The following DPRX variants were observed in gnomAD, a reference collection of about 807,000 sequenced individuals.
The protein encoded by DPRX is divergent-paired related homeobox, also known as divergent paired-related homeobox.
DPRX carries 11 observed loss-of-function variants against 8.4 expected under a neutral mutation model. That is an observed-to-expected ratio of 1.31 (90% CI 0.82 to 2.17). The LOEUF (loss-of-function observed/expected upper bound fraction) is 2.17. Ranked by LOEUF, DPRX falls within the 30% of genes most tolerant of loss-of-function variation. The probability of loss-of-function intolerance (pLI) is 0.00; values close to 1 mark genes in which losing one functional copy is unlikely to be tolerated. For missense variants in DPRX, 211 were observed against 236.7 expected (o/e 0.89, Z 0.71); for synonymous variants, 72 against 87.0 (o/e 0.83, Z 0.96).
rs756785861 is a variant in DPRX at position 53,634,634 on chromosome 19, C to A, written c.132C>A (p.Ser44Arg). ...ATGAGAACCCATACCCAAACCCCAG[C>A]CTTCAGAAAGAAATGGCCTCGAAAA... is the stretch of plus-strand genomic sequence containing the variant. Residue 44 changes from serine to arginine, a missense_variant, in exon 2 of 3, where the codon AGC becomes AGA. Physicochemically the swap from Ser to Arg is moderately radical, Grantham distance 110 (BLOSUM62 -1). Transcript: ENST00000376650. 15 of 1,614,058 alleles carry A rather than the reference C, an allele frequency of 9.3e-6. No individual in the cohort carries two copies. In the East Asian group the frequency reaches 3.3e-4, roughly 36 times the overall value.
At chr19:53,612,633 G>T in the DPRX span, among the ~76,000 whole-genome samples, 7 of 152,236 alleles carry the variant, frequency 4.6e-5, no homozygotes, top group South Asian at 1.5e-3. Flanking sequence ...CTTGAACCCG[G>T]GAGGCGGAGG....
exon 2 of DPRX, chr19:53,634,539 C>A (rs910864940): frequency 3.1e-6 from 5 of 1,612,682 alleles, no homozygotes; most frequent in Admixed American, 1.7e-5. Context: ...AGGCAAGGAC[C>A]AGATGCATTC....
At chr19:53,617,903 G>A in the DPRX span, among the ~76,000 whole-genome samples, 1 of 151,998 alleles carries the variant, frequency 6.6e-6, no homozygotes, top group Non-Finnish European at 1.5e-5. Context: ...ACTTTGGGAG[G>A]CCAAGGTGGG....
chr19:53,632,404 A>G (rs535568215), intron 1 of DPRX, among the ~76,000 whole-genome samples: 226 of 151,990 alleles, frequency 1.5e-3, no homozygotes, highest in African/African-American at 5.2e-3. Context: ...AGGTTCAAGC[A>G]ATTCTCCTGC....
At chr19:53,605,172 G>A in the DPRX span, among the ~76,000 whole-genome samples, 3 of 151,996 alleles carry the variant, frequency 2.0e-5, no homozygotes, top group African/African-American at 7.2e-5. Context: ...AGCCAGGTGT[G>A]GTGCCACTGT....
the DPRX span, chr19:53,606,623 A>G: frequency 3.9e-5 from 6 of 152,852 alleles, no homozygotes; most frequent in Non-Finnish European, 4.4e-5. This position sits in a 1 kb window ranked among gnomAD's most constrained non-coding sequence, Gnocchi z 4.8. Context: ...CACAGTGCCC[A>G]AGGGGATGGA....
At chr19:53,604,827 AG>A in the DPRX span, among the ~76,000 whole-genome samples, 1 of 148,922 alleles carries the variant, frequency 6.7e-6, no homozygotes, top group African/African-American at 2.5e-5. Context: ...TGGGCTACAG[AG>A]CGAGACTCTG....
At chr19:53,622,736 T>C in the DPRX span, among the ~76,000 whole-genome samples, 1 of 152,192 alleles carries the variant, frequency 6.6e-6, no homozygotes, top group Non-Finnish European at 1.5e-5. Context: ...ACTGTGCTTC[T>C]TGGTGAAAGT....
the DPRX span, chr19:53,602,311 T>TGTGC: frequency 8.0e-5 from 25 of 313,452 alleles, no homozygotes; most frequent in East Asian, 1.9e-4. Context: ...TGTGTGTGTG[T>TGTGC]GCCAGCCTCC....
the DPRX span, among the ~76,000 whole-genome samples, chr19:53,616,525 C>T: frequency 2.8e-4 from 43 of 152,132 alleles, no homozygotes; most frequent in Admixed American, 1.0e-3. Flanking sequence ...GAGGCTGAGG[C>T]GGGTGGATCA....
chr19:53,603,944 C>G, the DPRX span, among the ~76,000 whole-genome samples: 5 of 152,072 alleles, frequency 3.3e-5, no homozygotes, highest in South Asian at 8.3e-4. Flanking sequence ...CCAGGTTTCA[C>G]CATGTTGGCC....
At chr19:53,613,112 G>T in the DPRX span, among the ~76,000 whole-genome samples, 169 of 152,198 alleles carry the variant, frequency 1.1e-3, no homozygotes, top group African/African-American at 4.0e-3. Flanking sequence ...AGTTTCTATG[G>T]CTAGCCTTGG....
At chr19:53,633,660 C>G (rs2091101315) in intron 1 of DPRX, among the ~76,000 whole-genome samples, 1 of 152,102 alleles carries the variant, frequency 6.6e-6, no homozygotes, top group East Asian at 1.9e-4. Flanking sequence ...CAGGCGTGCA[C>G]CATCACGCCC....
At chr19:53,628,089 G>T (rs1254396516), upstream of DPRX, among the ~76,000 whole-genome samples, 2 of 152,018 alleles carry the variant, frequency 1.3e-5, no homozygotes, top group African/African-American at 4.8e-5. Context: ...TCAACATACA[G>T]TAGCTGGCCC....
the DPRX span, among the ~76,000 whole-genome samples, chr19:53,612,261 T>C: frequency 4.4e-3 from 671 of 152,262 alleles, 30 homozygotes; most frequent in East Asian, 0.11. Context: ...CATACACCTG[T>C]AGTCCCAGCT....
At chr19:53,635,990 G>A (rs561321870) in intron 2 of DPRX, among the ~76,000 whole-genome samples, 2 of 152,234 alleles carry the variant, frequency 1.3e-5, no homozygotes, top group Admixed American at 1.3e-4. Context: ...GGAGTAGATT[G>A]AGTAGGGTTC....
the DPRX span, chr19:53,617,226 ATG>A: frequency 1.2e-6 from 1 of 818,470 alleles, no homozygotes; most frequent in Non-Finnish European, 2.2e-6. Flanking sequence ...ATTCGTGAGA[ATG>A]AAACTACCGG....
the DPRX span, chr19:53,617,069 G>A: frequency 1.5e-6 from 2 of 1,291,762 alleles, no homozygotes; most frequent in African/African-American, 2.9e-5. Flanking sequence ...GGAAGGACTT[G>A]GATCCAGCTT....
At chr19:53,634,128 A>G (rs948395466) in intron 1 of DPRX, among the ~76,000 whole-genome samples, 3 of 152,098 alleles carry the variant, frequency 2.0e-5, no homozygotes, top group African/African-American at 7.2e-5. Context: ...CAGTGTCTCC[A>G]TATCTAAGAA....
Sources: allele counts gnomAD v4.1 joint callset (sites outside exome capture counted in the v4.1 genomes callset), GRCh38; gene constraint gnomAD v4.1.1; non-coding constraint Gnocchi (gnomAD v3.1); transcripts MANE v1.5; gene names NCBI Gene and HGNC (gene_info 2026-07-23, HGNC 2026-07-21).